The following GRIN1 variants were observed in gnomAD, a reference collection of about 807,000 sequenced individuals.
The protein encoded by GRIN1 is glutamate receptor ionotropic, NMDA 1.
GRIN1 carries 38 observed loss-of-function variants against 103.0 expected under a neutral mutation model. That is an observed-to-expected ratio of 0.37 (90% CI 0.28 to 0.48). The LOEUF (loss-of-function observed/expected upper bound fraction) is 0.48. Ranked by LOEUF, GRIN1 falls within the 20% of genes least tolerant of loss-of-function variation. The pLI, the probability that GRIN1 is intolerant of heterozygous loss-of-function variation, is 0.98. For synonymous variants in GRIN1, 544 were observed against 532.7 expected, an observed-to-expected ratio of 1.02 and a Z score of -0.29; for missense variants, 577 against 1,288.9, an observed-to-expected ratio of 0.45 and a Z score of 8.46.
At chr9:137,160,877 C>G (rs902457150) in intron 8 of GRIN1, among the ~76,000 whole-genome samples, 179 bp from the exon 9 acceptor site, 2 of 152,218 alleles carry the variant, frequency 1.3e-5, no homozygotes, top group African/African-American at 2.4e-5. Flanking sequence ...GTGTCCTGAA[C>G]ACTTGGGCTC....
At position 137,149,315 on chromosome 9, in the gene GRIN1, T is replaced by C. The variant is rs138284474; in HGVS notation, c.671+206T>C. The stretch of plus-strand genomic sequence containing the variant: ...TGACACCCTCCATCTGTCCCTCCCT[T>C]CCTGGGCCCTTCCCCATTCCACAGT... On this transcript the variant is annotated intron_variant, in intron 4 of 19. Coordinates refer to ENST00000371561, the MANE Select transcript of GRIN1 (RefSeq NM_007327.4). 1.4e-3 allele frequency among the ~76,000 whole-genome samples: 216 copies of C among 152,184 alleles called. 1 individual carries two copies. Among genetic ancestry groups the C allele is most frequent in the African/African-American group, 4.9e-3 (203 of 41,526 alleles).
chr9:137,144,378 G>C (rs1025419394), intron 2 of GRIN1, among the ~76,000 whole-genome samples: 1 of 151,670 alleles, frequency 6.6e-6, no homozygotes, highest in Non-Finnish European at 1.5e-5. Context: ...AGGTTGGCCG[G>C]GCGCGGTGGC....
chr9:137,147,113 C>T (rs911957112), intron 3 of GRIN1, among the ~76,000 whole-genome samples: 1 of 151,734 alleles, frequency 6.6e-6, no homozygotes, highest in African/African-American at 2.4e-5. Context: ...TGTCCACCCA[C>T]GGCCACGGAC....
At chr9:137,165,401 A>G in intron 19 of GRIN1, 105 bp downstream of exon 19, 2 of 772,192 alleles carry the variant, frequency 2.6e-6, no homozygotes, top group Non-Finnish European at 4.6e-6. Context: ...CCTGTGGCCC[A>G]CTCTGCCCCT....
At chr9:137,152,614 C>T (rs139150766) in intron 4 of GRIN1, among the ~76,000 whole-genome samples, 25 of 152,250 alleles carry the variant, frequency 1.6e-4, no homozygotes, top group African/African-American at 4.6e-4. Context: ...GCCCCTGAGC[C>T]GTGCACTGCG....
chr9:137,163,895 G>A lies in GRIN1; in HGVS notation c.2580G>A (p.Lys860=). The A allele has an allele frequency of 1.9e-6, 3 of 1,612,752 alleles. No individual in the cohort carries two copies. Among genetic ancestry groups the A allele is most frequent in the Middle Eastern group, 1.6e-4 (1 of 6,062 alleles). Residue 860 remains lysine (K), a synonymous_variant, in exon 18 of 20, where the codon AAG becomes AAA. Coordinates refer to ENST00000371561, the MANE Select transcript of GRIN1 (RefSeq NM_007327.4). ...TTGCCGCCGTTAACGTGTGGCGGAA[G>A]AACCTGCAGGTAGGGCAGGCCACCC... ...LAFAAVNVWR[K]NLQDRKSGRA...
chr9:137,141,735 C>T (rs932049962), intron 1 of GRIN1, among the ~76,000 whole-genome samples: 2 of 152,178 alleles, frequency 1.3e-5, no homozygotes, highest in African/African-American at 4.8e-5. Context: ...GCCCCCAGGA[C>T]ATCCCAAGGG....
chr9:137,139,714 G>A lies in GRIN1; in HGVS notation c.228G>A (p.Leu76=), dbSNP rs1483746045. The change falls in exon 1 of 20, where the codon CTG becomes CTA. Residue 76 remains leucine, a synonymous_variant. Transcript: ENST00000371561. The surrounding 1 kb of genome is among the most constrained non-coding windows in gnomAD (Gnocchi z 7.7). ...AGCCCAACGCCATCCAGATGGCTCTGTCGGTGTGCGAGGACCTCATCTCCA... is the reference window on the plus strand; with the variant it reads ...AGCCCAACGCCATCCAGATGGCTCTATCGGTGTGCGAGGACCTCATCTCCA... ...THKPNAIQMA[L]SVCEDLISSQ... The A allele has an allele frequency of 6.2e-7, 1 of 1,613,946 alleles. No homozygotes were observed.
chr9:137,159,278 T>C (rs1379336877), intron 8 of GRIN1, among the ~76,000 whole-genome samples: 1 of 151,740 alleles, frequency 6.6e-6, no homozygotes, highest in Non-Finnish European at 1.5e-5. Flanking sequence ...CTACCCCCAC[T>C]CCACACACAC....
chr9:137,164,711 G>A, intron 18 of GRIN1: 2 of 210,324 alleles, frequency 9.5e-6, no homozygotes, highest in Non-Finnish European at 9.7e-6. Flanking sequence ...CAGACCTGAG[G>A]CCAGAGTCCC....
Position 137,147,627 on chromosome 9 carries a change from G to A in GRIN1, c.571-1382G>A, listed in dbSNP as rs541751883. Among the ~76,000 whole-genome samples the A allele has an allele frequency of 3.3e-5, 5 of 152,230 alleles. No homozygotes were observed. In the East Asian group the frequency reaches 9.7e-4, roughly 29 times the overall value. ...TGCCACCCCTGCAGGCGCACATAAC[G>A]CACACACACCCTCTTGGGCGCATAT... On this transcript the variant is annotated intron_variant, in intron 3 of 19. Transcript: ENST00000371561.
At position 137,163,757 on chromosome 9, in the gene GRIN1, AG is replaced by A; in HGVS notation, c.2446del. On this transcript the variant is annotated splice_acceptor_variant, in intron 17 of 19. Transcript: ENST00000371561. LOFTEE classifies it high-confidence loss of function. ...ACTGAGGCTCTGGGTCCCGGCACAC[AG>A]GGGTCTTCATGCTGGTAGCTGGGGG... 1 of 1,613,752 alleles carries A rather than the reference AG, an allele frequency of 6.2e-7. No individual in the cohort carries two copies. The highest frequency in any genetic ancestry group is 8.5e-7 in the Non-Finnish European group (1 of 1,180,004).
At chr9:137,156,515 T>G (rs969310080) in intron 4 of GRIN1, among the ~76,000 whole-genome samples, 154 bp from the exon 5 acceptor site, 6 of 152,244 alleles carry the variant, frequency 3.9e-5, no homozygotes, top group Non-Finnish European at 8.8e-5. Context: ...TCCTGGGTTC[T>G]GGGCCGCAGC....
intron 3 of GRIN1, among the ~76,000 whole-genome samples, chr9:137,147,017 T>TCCCCCCAGCACCCAACAGGCCCCTC (rs71387807): frequency 1.5e-5 from 1 of 67,068 alleles, no homozygotes; most frequent in African/African-American, 6.3e-5. Context: ...GACAGGCCCC[T>TCCCCCCAGCACCCAACAGGCCCCTC]CCCCCCAGCG....
rs1832067682 is a variant in GRIN1 at position 137,139,844 on chromosome 9, G to A, written c.258+100G>A. 1 of 948,446 alleles carries A rather than the reference G, an allele frequency of 1.1e-6. No homozygotes were observed. The highest frequency in any genetic ancestry group is 1.7e-6 in the Non-Finnish European group (1 of 593,134). The allele number at this position is 948,446 out of a possible 1,614,324, so 58.8% of individuals were successfully genotyped here. A position where few individuals can be genotyped will look rare whatever the true frequency, so the allele number is the denominator to read the frequency against. On this transcript the variant is annotated intron_variant, in intron 1 of 19. Transcript: ENST00000371561. The surrounding 1 kb of genome is among the most constrained non-coding windows in gnomAD (Gnocchi z 7.7). The stretch of plus-strand genomic sequence containing the variant: ...TCCTTTCCGTGCCCCCTTCCTCCCT[G>A]TAAGACACCACCCCAGAGTCAGCTG...
At chr9:137,154,431 ACT>A (rs1833099837) in intron 4 of GRIN1, among the ~76,000 whole-genome samples, 1 of 83,478 alleles carries the variant, frequency 1.2e-5, no homozygotes, top group Non-Finnish European at 2.3e-5. Flanking sequence ...AGCTCCAACA[ACT>A]TTTTTTTTTT....
intron 4 of GRIN1, among the ~76,000 whole-genome samples, chr9:137,150,039 G>C (rs1213640035): frequency 6.6e-6 from 1 of 152,202 alleles, no homozygotes; most frequent in Non-Finnish European, 1.5e-5. Context: ...TAGAAGGCAG[G>C]AATCTCCCCA....
intron 19 of GRIN1, 42 bp from the exon 20 acceptor site, chr9:137,167,369 C>A: frequency 6.7e-7 from 1 of 1,481,898 alleles, no homozygotes; most frequent in South Asian, 1.2e-5. Context: ...CCCTGGCGGC[C>A]GGCGGGGCCA....
chr9:137,163,259 C>A lies in GRIN1; in HGVS notation c.2262C>A (p.Phe754Leu). 6.2e-7 allele frequency: 1 copy of A among 1,613,804 alleles called. No homozygotes were observed. The highest frequency in any genetic ancestry group is 8.5e-7 in the Non-Finnish European group (1 of 1,179,954). The change falls in exon 16 of 20, where the codon TTC becomes TTA. Residue 754 changes from phenylalanine to leucine, a missense_variant. Physicochemically the swap from Phe to Leu is conservative, Grantham distance 22. Transcript: ENST00000371561. ...TGGTGACGACTGGAGAGCTGTTTTT[C>A]CGCTCGGGCTTCGGCATAGGCATGC... ...CDLVTTGELF[F>L]RSGFGIGMRK...
Sources: allele counts gnomAD v4.1 joint callset (sites outside exome capture counted in the v4.1 genomes callset), GRCh38; gene constraint gnomAD v4.1.1; non-coding constraint Gnocchi (gnomAD v3.1); transcripts MANE v1.5; gene names NCBI Gene and HGNC (gene_info 2026-07-23, HGNC 2026-07-21).